DDX3X: variants seen among roughly 807,000 people sequenced by gnomAD.
DDX3X encodes DEAD-box helicase 3 X-linked.
Under a neutral mutation model 52.7 loss-of-function variants are expected in DDX3X, and 4 were observed. The observed-to-expected ratio is 0.08, with a 90% CI of 0.04 to 0.17. The LOEUF is 0.17. Ranked by LOEUF, DDX3X falls within the 10% of genes least tolerant of loss-of-function variation. The pLI is 1.00. For synonymous variants in DDX3X, 192 were observed against 178.1 expected (o/e 1.08, Z -0.62); for missense variants, 222 against 548.6 (o/e 0.40, Z 5.95).
intron 1 of DDX3X, 94 bp from the exon 2 acceptor site, chrX:41,337,314 A>C: frequency 6.7e-6 from 5 of 744,165 alleles, no homozygotes; most frequent in Non-Finnish European, 1.0e-5. Context: ...CAACTACTTG[A>C]ATGCAGTACT....
chrX:41,334,747 GT>G (rs1381189887), intron 1 of DDX3X: 8 of 972,154 alleles, frequency 8.2e-6, no homozygotes, highest in African/African-American at 2.0e-5. Context: ...GGCACCCGGT[GT>G]TTGCGTGCCT....
rs1234032480 is a variant in DDX3X at position 41,348,124 on chromosome X, T to C, written c.*405T>C. Reference sequence around the variant, plus strand: ...TTTGACAAAATAAATTTACTGAACTTGGGCTAAAATCAAACCTTGGCACAC... The same window carrying C: ...TTTGACAAAATAAATTTACTGAACTCGGGCTAAAATCAAACCTTGGCACAC... On this transcript the variant is annotated 3_prime_UTR_variant, in exon 17 of 17. Coordinates refer to ENST00000644876, the MANE Select transcript of DDX3X (RefSeq NM_001356.5). The C allele has an allele frequency of 4.4e-5, 12 of 274,539 alleles. No homozygotes were observed. In the Admixed American group the frequency reaches 7.7e-4, roughly 18 times the overall value. 22.6% of individuals were successfully genotyped at this position (274,539 alleles called of 1,213,427 possible).
At position 41,347,401 on chromosome X, in the gene DDX3X, G is replaced by C. The variant is rs2063940949; in HGVS notation, c.1859G>C (p.Ser620Thr). The change falls in exon 16 of 17, where the codon AGC becomes ACC. Residue 620 changes from serine (S) to threonine (T), a missense_variant. Ser to Thr is a moderately conservative substitution (Grantham distance 58, BLOSUM62 1). Transcript: ENST00000644876. The part of the protein sequence containing the change: ...SSSFSSSRAS[S>T]SRSGGGGHGS... ...AGCTTCAGCAGCAGCCGCGCAAGCA[G>C]CAGCCGCAGTGGCGGAGGTGGCCAC... The C allele has an allele frequency of 2.5e-6, 3 of 1,210,099 alleles. No individual in the cohort carries two copies. The highest frequency in any genetic ancestry group is 3.4e-6 in the Non-Finnish European group (3 of 895,171).
chrX:41,346,558 C>T lies in DDX3X; in HGVS notation c.1551C>T (p.Asp517=). Residue 517 remains aspartate, a synonymous_variant, in exon 14 of 17, where the codon GAC becomes GAT. Transcript: ENST00000644876. ...ISNVKHVINF[D]LPSDIEEYVH... is the part of the protein sequence containing the mutation. ...ATGTGAAACATGTTATCAATTTTGACTTGCCAAGTGATATTGAAGAATATG... is the reference window on the plus strand; with the variant it reads ...ATGTGAAACATGTTATCAATTTTGATTTGCCAAGTGATATTGAAGAATATG... 1 of 1,211,040 alleles carries T rather than the reference C, an allele frequency of 8.3e-7. No homozygotes were observed. The highest frequency in any genetic ancestry group is 1.1e-6 in the Non-Finnish European group (1 of 895,043).
intron 15 of DDX3X, 71 bp downstream of exon 15, chrX:41,347,083 C>T (rs2063935662): frequency 1.3e-5 from 14 of 1,057,962 alleles, no homozygotes; most frequent in African/African-American, 3.8e-5. Flanking sequence ...CCTCTGCATG[C>T]ATAACGTCCA....
In DDX3X at chrX:41,344,415, TTTTTGTTTTTTTG is replaced by T. The variant is rs1302083271; in HGVS notation, c.1025+26_1025+38del. ...ACTTTTGCAAGTATGTTTTATTTTG[TTTTTGTTTTTTTG>T]TTTTGTTTTGTTTTGTTCTTTTGTT... On this transcript the variant is annotated intron_variant, in intron 10 of 16. Transcript: ENST00000644876. 1.2e-5 allele frequency: 14 copies of T among 1,202,798 alleles called. No homozygotes were observed. In the East Asian group the frequency reaches 4.2e-4, roughly 36 times the overall value.
chrX:41,341,538 A>T lies in DDX3X; in HGVS notation c.206A>T (p.Tyr69Phe). Residue 69 changes from tyrosine (Y) to phenylalanine (F), a missense_variant, in exon 4 of 17, where the codon TAT (tyrosine) becomes TTT (phenylalanine). Transcript: ENST00000644876. Reference protein sequence around the residue: ...GWSSSKDKDAYSSFGSRSDSR... With the variant: ...GWSSSKDKDAFSSFGSRSDSR... ...AGTTCTAGCAAAGATAAGGATGCGTATAGCAGTTTTGGATCTCGTAGTGAT... is the reference window on the plus strand; with the variant it reads ...AGTTCTAGCAAAGATAAGGATGCGTTTAGCAGTTTTGGATCTCGTAGTGAT... The T allele has an allele frequency of 8.3e-7, 1 of 1,207,534 alleles. No homozygotes were observed. Among genetic ancestry groups the T allele is most frequent in the Non-Finnish European group, 1.1e-6 (1 of 891,413 alleles).
At chrX:41,334,766 A>C in intron 1 of DDX3X, 7 of 961,967 alleles carry the variant, frequency 7.3e-6, no homozygotes, top group Non-Finnish European at 9.3e-6. Context: ...CCTGCGAGCA[A>C]GGGGTAGAAC....
In DDX3X at chrX:41,344,126, AAAGT is replaced by A. The variant is rs1478027490; in HGVS notation, c.864+4_864+7del. On this transcript the variant is annotated splice_donor_variant and coding_sequence_variant, in exon 9 of 17. Transcript: ENST00000644876. LOFTEE classifies it high-confidence loss of function. ...AGTACAGATCTACGAGGAAGCCAGAAAAGTAAGTATGAGTTCCAGTGATTATTAG... is the reference window on the plus strand; with the variant it reads ...AGTACAGATCTACGAGGAAGCCAGAAAAGTATGAGTTCCAGTGATTATTAG... The A allele has an allele frequency of 8.3e-7, 1 of 1,199,024 alleles. No individual in the cohort carries two copies. The highest frequency in any genetic ancestry group is 2.3e-5 in the Admixed American group (1 of 44,299).
chrX:41,336,227 T>A (rs1310123076), intron 1 of DDX3X: 3 of 112,136 alleles, frequency 2.7e-5, no homozygotes, highest in African/African-American at 9.7e-5. Flanking sequence ...TGTGGCTTTT[T>A]TGAGAAAAAT....
intron 1 of DDX3X, chrX:41,336,182 A>G (rs1025067006): frequency 8.9e-6 from 1 of 112,348 alleles, no homozygotes; most frequent in African/African-American, 3.2e-5. Context: ...TCTTTTGCAA[A>G]CAGGTTGGCA....
chrX:41,354,344 CTTTT>C (rs60965317), downstream of DDX3X, among the ~76,000 whole-genome samples: 4 of 69,948 alleles, frequency 5.7e-5, no homozygotes, highest in African/African-American at 6.4e-5. Flanking sequence ...TGTGCTACCT[CTTTT>C]TTTTTTTTTT....
At chrX:41,335,276 C>T (rs1246794065) in intron 1 of DDX3X, 1 of 110,955 alleles carries the variant, frequency 9.0e-6, no homozygotes, top group Non-Finnish European at 1.9e-5. Context: ...GTGGTAGTGT[C>T]TTCGTGTTAG....
intron 3 of DDX3X, chrX:41,340,786 T>C (rs1325501999): frequency 3.4e-6 from 1 of 295,140 alleles, no homozygotes; most frequent in African/African-American, 2.8e-5. Context: ...TCTAAATGAA[T>C]ACCACCTCCA....
Position 41,341,738 on chromosome X carries a change from A to G in DDX3X, c.284+122A>G, listed in dbSNP as rs2147349138. 4 of 679,304 alleles carry G rather than the reference A, an allele frequency of 5.9e-6. No homozygotes were observed. In the East Asian group the frequency reaches 1.1e-4, roughly 18 times the overall value. 56.0% of individuals were successfully genotyped at this position (679,304 alleles called of 1,213,427 possible). ...TTGGTCATTGTATTTTCTTAGCCGT[A>G]AGAGGCTTTTACTAAATTGAACCTG... On this transcript the variant is annotated intron_variant, in intron 4 of 16. Transcript: ENST00000644876.
At chrX:41,337,278 G>A in intron 1 of DDX3X, 130 bp from the exon 2 acceptor site, 1 of 541,308 alleles carries the variant, frequency 1.8e-6, no homozygotes, top group Non-Finnish European at 3.3e-6. Flanking sequence ...TTAAGGGTTG[G>A]TATTAGCCCT....
chrX:41,337,666 A>G (rs1467217980), intron 2 of DDX3X: 1 of 345,459 alleles, frequency 2.9e-6, no homozygotes, highest in East Asian at 5.0e-5. Context: ...TTTGGTTGAG[A>G]TGGAGCTTTG....
At chrX:41,347,527 A>G (rs1053076400) in intron 16 of DDX3X, 76 bp downstream of exon 16, 4 of 1,176,543 alleles carry the variant, frequency 3.4e-6, no homozygotes, top group African/African-American at 1.8e-5. Context: ...AGCCTAATTA[A>G]ACAATTTAAG....
At chrX:41,354,651 C>T (rs1373012441), downstream of DDX3X, among the ~76,000 whole-genome samples, 2 of 110,323 alleles carry the variant, frequency 1.8e-5, no homozygotes, top group Non-Finnish European at 3.8e-5. Context: ...TCGTATCTGT[C>T]CCCTTCCTGC....
Sources: allele counts gnomAD v4.1 joint callset (sites outside exome capture counted in the v4.1 genomes callset), GRCh38; gene constraint gnomAD v4.1.1; transcripts MANE v1.5; gene names NCBI Gene and HGNC (gene_info 2026-07-23, HGNC 2026-07-21).